TMEM87B: variants seen among roughly 807,000 people sequenced by gnomAD.
TMEM87B encodes transmembrane protein 87B.
TMEM87B carries 83 observed loss-of-function variants against 80.3 expected under a neutral mutation model. The observed-to-expected ratio is 1.03, with a 90% CI of 0.87 to 1.24. The LOEUF (loss-of-function observed/expected upper bound fraction) is 1.24, where lower values mean the gene tolerates loss of function less well. TMEM87B is among the 50% of genes most tolerant of loss of function. The pLI, the probability that TMEM87B is intolerant of heterozygous loss-of-function variation, is 0.00. For synonymous variants in TMEM87B, 219 were observed against 230.5 expected (o/e 0.95, Z 0.45); for missense variants, 625 against 674.4 (o/e 0.93, Z 0.81).
rs1290182688 is a variant in TMEM87B, at chr2:112,098,682, T to G, written c.1360T>G (p.Ser454Ala). 3 of 1,614,120 alleles carry G rather than the reference T, an allele frequency of 1.9e-6. No homozygotes were observed. The highest frequency in any genetic ancestry group is 1.7e-5 in the Admixed American group (1 of 60,014). ...TGTAATCATGTTTTTGTGGAGACCA[T>G]CAGCAAACAATCAGAGGTACCTAAC... is the stretch of plus-strand genomic sequence containing the variant. ...LIVIMFLWRP[S>A]ANNQRYAFMP... is the part of the protein sequence containing the mutation. The change falls in exon 14 of 19, where the codon TCA becomes GCA. Residue 454 changes from serine to alanine, a missense_variant. By Grantham distance (99) the Ser-to-Ala change is moderately conservative (BLOSUM62 1). Transcript: ENST00000283206.
intron 5 of TMEM87B, among the ~76,000 whole-genome samples, chr2:112,075,998 G>C (rs1678800668): frequency 6.6e-6 from 1 of 152,208 alleles, no homozygotes; most frequent in African/African-American, 2.4e-5. Flanking sequence ...AAGTAACATA[G>C]TGCCTTAAGA....
chr2:112,082,427 G>GA (rs993955294), intron 8 of TMEM87B, among the ~76,000 whole-genome samples: 4 of 151,788 alleles, frequency 2.6e-5, no homozygotes, highest in Admixed American at 1.3e-4. Context: ...AAATACTCTA[G>GA]AAAAAAAATG....
At chr2:112,055,803 G>A (rs781630150) in intron 1 of TMEM87B, 47 bp downstream of exon 1, 1 of 1,446,500 alleles carries the variant, frequency 6.9e-7, no homozygotes, top group Non-Finnish European at 9.1e-7. Flanking sequence ...CGGGCCGTCA[G>A]GGCCGTCGTG....
intron 4 of TMEM87B, among the ~76,000 whole-genome samples, chr2:112,070,183 C>T (rs906577436): frequency 1.3e-5 from 2 of 152,026 alleles, no homozygotes; most frequent in African/African-American, 4.8e-5. Context: ...TTAATTAGAT[C>T]CTATTTGTCA....
At chr2:112,091,835 T>A in intron 11 of TMEM87B, 52 bp downstream of exon 11, 1 of 1,316,684 alleles carries the variant, frequency 7.6e-7, no homozygotes, top group Non-Finnish European at 1.1e-6. Flanking sequence ...GAAAATCAGA[T>A]TACATGTAAT....
intron 15 of TMEM87B, among the ~76,000 whole-genome samples, chr2:112,103,490 A>T (rs1285965559): frequency 6.6e-6 from 1 of 152,230 alleles, no homozygotes; most frequent in African/African-American, 2.4e-5. Flanking sequence ...GATCCTTAAC[A>T]TTCTTGTAGT....
chr2:112,082,814 A>G (rs1223933320), intron 8 of TMEM87B, among the ~76,000 whole-genome samples: 1 of 152,088 alleles, frequency 6.6e-6, no homozygotes, highest in African/African-American at 2.4e-5. Flanking sequence ...TCTCTTGTTT[A>G]GTGAAGGTAA....
chr2:112,100,807 T>A, intron 15 of TMEM87B, 112 bp downstream of exon 15: 1 of 573,854 alleles, frequency 1.7e-6, no homozygotes, highest in Non-Finnish European at 2.8e-6. Context: ...TAAAATATTT[T>A]AAAAACTTTT....
In TMEM87B at chr2:112,118,741, C is replaced by T. The variant is rs1448877010; in HGVS notation, c.*2598C>T. ...CACCTTTTCCCCTTGTATTACAGTACAATGTTTACATTACTATACTGTCAA... is the reference window on the plus strand; with the variant it reads ...CACCTTTTCCCCTTGTATTACAGTATAATGTTTACATTACTATACTGTCAA... On this transcript the variant is annotated 3_prime_UTR_variant, in exon 19 of 19. Transcript: ENST00000283206. 6.6e-6 allele frequency: 1 copy of T among 151,928 alleles called. No individual in the cohort carries two copies. Among genetic ancestry groups the T allele is most frequent in the African/African-American group, 2.4e-5 (1 of 41,336 alleles). 9.4% of individuals were successfully genotyped at this position (151,928 alleles called of 1,614,324 possible).
chr2:112,107,423 T>TATA (rs1250944331), intron 16 of TMEM87B, among the ~76,000 whole-genome samples: 3 of 151,836 alleles, frequency 2.0e-5, no homozygotes, highest in Non-Finnish European at 4.4e-5. Flanking sequence ...AAACTCATTA[T>TATA]ATAAGAACTA....
At chr2:112,072,125 G>A (rs1558833260) in intron 4 of TMEM87B, among the ~76,000 whole-genome samples, 1 of 152,164 alleles carries the variant, frequency 6.6e-6, no homozygotes, top group Non-Finnish European at 1.5e-5. Flanking sequence ...CATCCCAGGG[G>A]AAAGCCTGCT....
intron 2 of TMEM87B, among the ~76,000 whole-genome samples, chr2:112,060,551 T>C (rs549985073): frequency 6.6e-6 from 1 of 151,980 alleles, no homozygotes; most frequent in South Asian, 2.1e-4. Flanking sequence ...TTTTTTTTTT[T>C]CTTGAGACAG....
At chr2:112,069,244 T>G (rs1466042291) in intron 4 of TMEM87B, among the ~76,000 whole-genome samples, 3 of 150,726 alleles carry the variant, frequency 2.0e-5, no homozygotes, top group Non-Finnish European at 4.4e-5. Context: ...GAATTTGTTG[T>G]ACGAATTATT....
At chr2:112,064,025 T>C in intron 2 of TMEM87B, 137 bp from the exon 3 acceptor site, 1 of 674,808 alleles carries the variant, frequency 1.5e-6, no homozygotes, top group Non-Finnish European at 2.4e-6. Context: ...TTACAGTGAC[T>C]TTTTGGAGAA....
At chr2:112,105,916 A>T (rs1286354389) in intron 15 of TMEM87B, 86 bp from the exon 16 acceptor site, 2 of 917,290 alleles carry the variant, frequency 2.2e-6, no homozygotes, top group Non-Finnish European at 3.1e-6. Context: ...AAAAAGATAT[A>T]GTATTTTTTC....
In TMEM87B at chr2:112,106,022, G is replaced by A; in HGVS notation, c.1471G>A (p.Ala491Thr). ...CGTAGCCGAAGGAATAAAATTAAGA[G>A]CCTCAAAATCAGTTTCCAATGGAAC... ...ENLTEGIKLR[A>T]SKSVSNGTAK... The change falls in exon 16 of 19, where the codon GCC becomes ACC. Residue 491 changes from alanine to threonine, a missense_variant. Physicochemically the swap from Ala to Thr is moderately conservative, Grantham distance 58. Coordinates refer to ENST00000283206, the MANE Select transcript of TMEM87B (RefSeq NM_032824.3). 6.4e-7 allele frequency: 1 copy of A among 1,571,394 alleles called. No individual in the cohort carries two copies. The highest frequency in any genetic ancestry group is 2.3e-5 in the East Asian group (1 of 43,104).
chr2:112,099,523 T>TAC (rs896674187), intron 14 of TMEM87B, among the ~76,000 whole-genome samples: 1 of 90,298 alleles, frequency 1.1e-5, no homozygotes, highest in Admixed American at 1.2e-4. Flanking sequence ...TATACAATAA[T>TAC]ACATATATAT....
Position 112,075,785 on chromosome 2 carries a change from T to C in TMEM87B, c.501+823T>C, listed in dbSNP as rs140944953. ...TTTCTCTTCAACCATCCTAAAGAAG[T>C]CTGATAATGGAAAGGCACTCGCTCT... On this transcript the variant is annotated intron_variant, in intron 5 of 18. Coordinates refer to ENST00000283206, the MANE Select transcript of TMEM87B (RefSeq NM_032824.3). Among the ~76,000 whole-genome samples, 458 of 152,234 alleles carry C rather than the reference T, an allele frequency of 3.0e-3. 2 individuals are homozygous for C. Among genetic ancestry groups the C allele is most frequent in the Non-Finnish European group, 5.0e-3 (337 of 67,998 alleles).
Position 112,098,707 on chromosome 2 carries a change from C to A in TMEM87B, c.1376+9C>A, listed in dbSNP as rs1211245766. 6.2e-7 allele frequency: 1 copy of A among 1,612,352 alleles called. No individual in the cohort carries two copies. Among genetic ancestry groups the A allele is most frequent in the South Asian group, 1.1e-5 (1 of 91,044 alleles). ...TCAGCAAACAATCAGAGGTACCTAA[C>A]ATAGGAAATTTCAAGTCGTCAAGGA... On this transcript the variant is annotated intron_variant, in intron 14 of 18. Coordinates refer to ENST00000283206, the MANE Select transcript of TMEM87B (RefSeq NM_032824.3).
Sources: allele counts gnomAD v4.1 joint callset (sites outside exome capture counted in the v4.1 genomes callset), GRCh38; gene constraint gnomAD v4.1.1; transcripts MANE v1.5; gene names NCBI Gene and HGNC (gene_info 2026-07-23, HGNC 2026-07-21).